Variants in PREX2 observed in about 807,000 individuals in gnomAD.
The protein encoded by PREX2 is phosphatidylinositol 3,4,5-trisphosphate-dependent Rac exchanger 2 protein.
PREX2 carries 107 observed loss-of-function variants against 203.2 expected under a neutral mutation model. The observed-to-expected ratio is 0.53, with a 90% CI of 0.45 to 0.62. PREX2 has a LOEUF of 0.62. Ranked by LOEUF, PREX2 falls within the 20% of genes least tolerant of loss-of-function variation. The pLI is 0.00. For synonymous variants in PREX2, 672 were observed against 663.6 expected, an observed-to-expected ratio of 1.01 and a Z score of -0.19; for missense variants, 1,777 against 1,955.9, an observed-to-expected ratio of 0.91 and a Z score of 1.72.
At chr8:68,100,842 G>A (rs1810242971) in intron 23 of PREX2, among the ~76,000 whole-genome samples, 1 of 152,190 alleles carries the variant, frequency 6.6e-6, no homozygotes, top group African/African-American at 2.4e-5. Context: ...GGAATGGATT[G>A]CAAGGGGGCA....
At chr8:68,222,452 G>A (rs1227038266) in intron 38 of PREX2, among the ~76,000 whole-genome samples, 4 of 149,432 alleles carry the variant, frequency 2.7e-5, no homozygotes, top group Admixed American at 6.6e-5. Context: ...AAAAAAAAAT[G>A]TATATAAGTA....
At chr8:67,998,631 G>A (rs1187511003) in intron 1 of PREX2, among the ~76,000 whole-genome samples, 1 of 152,126 alleles carries the variant, frequency 6.6e-6, no homozygotes, top group Non-Finnish European at 1.5e-5. Context: ...AGCTAGGCAC[G>A]GTGGTGCATA....
intron 37 of PREX2, among the ~76,000 whole-genome samples, chr8:68,208,833 A>C (rs995816556): frequency 2.6e-5 from 4 of 152,194 alleles, no homozygotes; most frequent in African/African-American, 7.2e-5. Flanking sequence ...TCACACCTGT[A>C]ATCCCAGCAC....
chr8:68,057,916 TA>T, intron 10 of PREX2, among the ~76,000 whole-genome samples: 1 of 152,334 alleles, frequency 6.6e-6, no homozygotes, highest in East Asian at 1.9e-4. Context: ...TAGGTTTTGC[TA>T]ACCCTTCACT....
chr8:67,970,262 C>G (rs1405888067), intron 1 of PREX2, among the ~76,000 whole-genome samples: 1 of 151,996 alleles, frequency 6.6e-6, no homozygotes, highest in Non-Finnish European at 1.5e-5. Context: ...TCATGTAAAG[C>G]AGTGTAAAGT....
chr8:68,165,998 T>C (rs978597921), intron 35 of PREX2, among the ~76,000 whole-genome samples: 5 of 152,196 alleles, frequency 3.3e-5, no homozygotes, highest in Non-Finnish European at 7.4e-5. Flanking sequence ...CACTGGTGCC[T>C]AACTGGCAAT....
chr8:68,118,513 T>G, intron 26 of PREX2, 37 bp from the exon 27 acceptor site: 1 of 1,390,228 alleles, frequency 7.2e-7, no homozygotes, highest in Non-Finnish European at 1.0e-6. Context: ...CCTGGGCAGA[T>G]GCACTCTTAC....
chr8:68,019,160 G>A (rs1386597781), intron 2 of PREX2, among the ~76,000 whole-genome samples: 1 of 152,238 alleles, frequency 6.6e-6, no homozygotes, highest in Non-Finnish European at 1.5e-5. Context: ...AGCTGTCCCA[G>A]CTTTTACTTC....
chr8:68,197,502 T>C (rs895680595), intron 37 of PREX2, among the ~76,000 whole-genome samples: 1 of 152,030 alleles, frequency 6.6e-6, no homozygotes, highest in Non-Finnish European at 1.5e-5. Flanking sequence ...CAATTAAACC[T>C]CTGTCTTTTA....
At position 68,192,443 on chromosome 8, in the gene PREX2, G is replaced by A. The variant is rs1025147786; in HGVS notation, c.4522G>A (p.Val1508Ile). ...CANTACSASG[V>I]GLLSVSSELC... ...AAACACAGCTTGCAGTGCTTCTGGG[G>A]TTGGACTGCTGTCAGTTTCCTCGGA... Residue 1508 changes from valine (V) to isoleucine (I), a missense_variant, in exon 37 of 40, where the codon GTT (valine) becomes ATT (isoleucine). Transcript: ENST00000288368. 1 of 1,613,982 alleles carries A rather than the reference G, an allele frequency of 6.2e-7. No homozygotes were observed. The highest frequency in any genetic ancestry group is 8.5e-7 in the Non-Finnish European group (1 of 1,179,998).
chr8:68,013,309 T>C (rs945780817), intron 1 of PREX2, among the ~76,000 whole-genome samples: 2 of 152,204 alleles, frequency 1.3e-5, no homozygotes, highest in African/African-American at 4.8e-5. Context: ...TCTATATATA[T>C]GCTTTCCCTA....
At chr8:68,216,918 C>G (rs1483262772) in intron 37 of PREX2, among the ~76,000 whole-genome samples, 1 of 148,462 alleles carries the variant, frequency 6.7e-6, no homozygotes, top group Non-Finnish European at 1.5e-5. Context: ...GCTGAGGATG[C>G]GCCACTGCAC....
At chr8:68,206,718 C>T (rs375829646) in intron 37 of PREX2, among the ~76,000 whole-genome samples, 73 of 152,250 alleles carry the variant, frequency 4.8e-4, no homozygotes, top group South Asian at 2.9e-3. Flanking sequence ...TCTATTTGCT[C>T]ATCCATTTAT....
At chr8:68,171,176 T>C (rs1388743474) in intron 35 of PREX2, among the ~76,000 whole-genome samples, 1 of 152,200 alleles carries the variant, frequency 6.6e-6, no homozygotes, top group Non-Finnish European at 1.5e-5. Flanking sequence ...AAATTCATCA[T>C]CTTTACTGAA....
chr8:68,110,806 C>A, intron 25 of PREX2: 4 of 222,872 alleles, frequency 1.8e-5, no homozygotes, highest in South Asian at 5.0e-5. Context: ...AAAAATTATC[C>A]TCAATATTTA....
chr8:67,981,762 C>G (rs771071690), intron 1 of PREX2, among the ~76,000 whole-genome samples: 2 of 152,160 alleles, frequency 1.3e-5, no homozygotes, highest in Non-Finnish European at 2.9e-5. Context: ...AATCAGGCAG[C>G]CTGAGCTGCA....
At chr8:68,028,672 T>C (rs1807799638) in intron 5 of PREX2, among the ~76,000 whole-genome samples, 1 of 151,964 alleles carries the variant, frequency 6.6e-6, no homozygotes, top group South Asian at 2.1e-4. Context: ...ATGTGTCTCC[T>C]TTTTTTCTGA....
At chr8:68,108,079 A>G (rs867113031) in intron 23 of PREX2, 30 bp from the exon 24 acceptor site, 6 of 1,516,596 alleles carry the variant, frequency 4.0e-6, no homozygotes, top group African/African-American at 2.8e-5. Context: ...TGTGTGTTCA[A>G]CTGCTTTTTA....
chr8:68,193,356 A>G (rs1212462722), intron 37 of PREX2, among the ~76,000 whole-genome samples: 1 of 152,202 alleles, frequency 6.6e-6, no homozygotes, highest in Admixed American at 6.5e-5. Flanking sequence ...GTACATGCAC[A>G]GAACATGCAG....
Sources: allele counts gnomAD v4.1 joint callset (sites outside exome capture counted in the v4.1 genomes callset), GRCh38; gene constraint gnomAD v4.1.1; transcripts MANE v1.5; gene names NCBI Gene and HGNC (gene_info 2026-07-23, HGNC 2026-07-21).